The following SGCD variants were observed in gnomAD, a reference collection of about 807,000 sequenced individuals.
SGCD encodes delta-sarcoglycan.
Under a neutral mutation model 36.6 loss-of-function variants are expected in SGCD, and 18 were observed. The ratio of observed to expected loss-of-function variants is 0.49; its 90% CI spans 0.34 to 0.73. The LOEUF (loss-of-function observed/expected upper bound fraction) is 0.73, where lower values mean the gene tolerates loss of function less well. Among genes scored for constraint, SGCD ranks in the 30% least tolerant of loss-of-function variants. The pLI is 0.01. For missense variants in SGCD, 387 were observed against 346.7 expected, an observed-to-expected ratio of 1.12 and a Z score of -0.92; for synonymous variants, 133 against 130.6, an observed-to-expected ratio of 1.02 and a Z score of -0.12.
At chr5:156,223,277 C>G (rs1472168064) in intron 3 of SGCD, among the ~76,000 whole-genome samples, 3 of 151,976 alleles carry the variant, frequency 2.0e-5, no homozygotes, top group Non-Finnish European at 4.4e-5. Context: ...TAGACTGACT[C>G]TGAAGAAATA....
chr5:156,006,255 G>C (rs1476166611), intron 1 of SGCD, among the ~76,000 whole-genome samples: 1 of 152,092 alleles, frequency 6.6e-6, no homozygotes, highest in African/African-American at 2.4e-5. Context: ...TTCTAAATAA[G>C]GTCACTGACA....
chr5:156,428,744 T>C (rs1454467992), intron 3 of SGCD, among the ~76,000 whole-genome samples: 2 of 152,098 alleles, frequency 1.3e-5, no homozygotes, highest in Non-Finnish European at 2.9e-5. Flanking sequence ...GTCACTATTA[T>C]TCATTTCAAA....
the SGCD span, among the ~76,000 whole-genome samples, chr5:155,775,808 C>G: frequency 6.6e-6 from 1 of 152,208 alleles, no homozygotes; most frequent in South Asian, 2.1e-4. Flanking sequence ...AGTCTGTTCC[C>G]TCAGGGAGCT....
In SGCD at chr5:156,696,910, C is replaced by T. The variant is rs545080735; in HGVS notation, c.575+49374C>T. Among the ~76,000 whole-genome samples, 4 of 116,838 alleles carry T rather than the reference C, an allele frequency of 3.4e-5. No homozygotes were observed. In the Admixed American group the frequency reaches 4.1e-4, roughly 12 times the overall value. The allele number at this position is 116,838 out of a possible 152,430, so 76.7% of individuals were successfully genotyped here. A position where few individuals can be genotyped will look rare whatever the true frequency, so the allele number is the denominator to read the frequency against. On this transcript the variant is annotated intron_variant, in intron 7 of 8. Coordinates refer to ENST00000337851, the MANE Select transcript of SGCD (RefSeq NM_000337.6). ...CCCTCTTCTCTCCCCATCATCCTTA[C>T]ACACAACACACACACACACACACAC...
At chr5:155,834,602 G>A in the SGCD span, among the ~76,000 whole-genome samples, 1 of 152,132 alleles carries the variant, frequency 6.6e-6, no homozygotes, top group African/African-American at 2.4e-5. Context: ...CACAAGTGGT[G>A]CTTGCCACGT....
At chr5:156,680,327 T>C (rs764409890) in intron 7 of SGCD, among the ~76,000 whole-genome samples, 7 of 152,190 alleles carry the variant, frequency 4.6e-5, no homozygotes, top group Non-Finnish European at 1.0e-4. Flanking sequence ...CACCATTTAA[T>C]CTCTGCTTTG....
the SGCD span, among the ~76,000 whole-genome samples, chr5:155,739,271 C>T: frequency 1.3e-5 from 2 of 152,214 alleles, no homozygotes; most frequent in South Asian, 2.1e-4. Flanking sequence ...TGGATGTTGT[C>T]CAGCAAGTAT....
In SGCD at chr5:156,737,282, A is replaced by G. The variant is rs562362229; in HGVS notation, c.576-20299A>G. 6.8e-3 allele frequency among the ~76,000 whole-genome samples: 1,026 copies of G among 151,556 alleles called. 3 individuals are homozygous for G. Among genetic ancestry groups the G allele is most frequent in the Non-Finnish European group, 0.012 (782 of 67,984 alleles). On this transcript the variant is annotated intron_variant, in intron 7 of 8. Coordinates refer to ENST00000337851, the MANE Select transcript of SGCD (RefSeq NM_000337.6). ...CAGTTTTCAGGTAACATTTAAAAGC[A>G]TGGGTTCTAGTGATAGAGTTGCAGT...
intron 7 of SGCD, among the ~76,000 whole-genome samples, chr5:156,726,220 G>T (rs1755766440): frequency 6.6e-6 from 1 of 152,148 alleles, no homozygotes; most frequent in Non-Finnish European, 1.5e-5. Flanking sequence ...TAATTATGAG[G>T]AGGGTCAGCC....
intron 3 of SGCD, among the ~76,000 whole-genome samples, chr5:156,252,079 T>C (rs1017357348): frequency 1.3e-5 from 2 of 152,062 alleles, no homozygotes; most frequent in Non-Finnish European, 2.9e-5. Context: ...TTTTCTTTTT[T>C]TTTTGAGACG....
chr5:156,407,055 T>C (rs1010339390), intron 3 of SGCD, among the ~76,000 whole-genome samples: 1 of 151,846 alleles, frequency 6.6e-6, no homozygotes, highest in Non-Finnish European at 1.5e-5. Context: ...TTCACGTTTT[T>C]CTGCCTGCTT....
At chr5:156,436,249 C>A (rs1181946554) in intron 3 of SGCD, among the ~76,000 whole-genome samples, 5 of 152,292 alleles carry the variant, frequency 3.3e-5, no homozygotes, top group African/African-American at 1.2e-4. Context: ...TGGTCAATTT[C>A]TTAGGTTATC....
At chr5:156,353,731 A>G (rs1398889763) in intron 3 of SGCD, among the ~76,000 whole-genome samples, 1 of 152,238 alleles carries the variant, frequency 6.6e-6, no homozygotes, top group African/African-American at 2.4e-5. Flanking sequence ...AGCTCAATCC[A>G]TCCATCTGAA....
In SGCD at chr5:155,940,219, C is replaced by T. The variant is rs367699471; in HGVS notation, c.-282+69795C>T. Reference sequence around the variant, plus strand: ...ATTATCAGGGCTTTTCCTTTCTTTTCTCACTCCTCTTAATGTACAGATCCA... The same window carrying T: ...ATTATCAGGGCTTTTCCTTTCTTTTTTCACTCCTCTTAATGTACAGATCCA... On this transcript the variant is annotated intron_variant, in intron 1 of 9. Transcript: ENST00000517913. Among the ~76,000 whole-genome samples the T allele has an allele frequency of 2.6e-5, 4 of 152,194 alleles. No individual in the cohort carries two copies. The East Asian group carries it at 5.8e-4, about 22-fold the overall frequency.
At chr5:156,068,413 A>C (rs891463408) in intron 1 of SGCD, among the ~76,000 whole-genome samples, 1 of 151,892 alleles carries the variant, frequency 6.6e-6, no homozygotes, top group Non-Finnish European at 1.5e-5. Context: ...GAGAATGATG[A>C]TTTCCAATTT....
chr5:155,728,655 G>C, the SGCD span, among the ~76,000 whole-genome samples: 1 of 152,106 alleles, frequency 6.6e-6, no homozygotes, highest in Admixed American at 6.5e-5. Context: ...CCCCTATTCC[G>C]TTGGCAAGTC....
chr5:156,685,212 G>A (rs567243002), intron 7 of SGCD, among the ~76,000 whole-genome samples: 100 of 152,134 alleles, frequency 6.6e-4, no homozygotes, highest in African/African-American at 2.1e-3. Flanking sequence ...GAGATGCGTC[G>A]CAGGGTAAGA....
intron 2 of SGCD, among the ~76,000 whole-genome samples, chr5:156,336,510 A>G (rs1400321852): frequency 6.6e-6 from 1 of 152,256 alleles, no homozygotes; most frequent in African/African-American, 2.4e-5. Flanking sequence ...TCATAGATCC[A>G]TACCATTTAA....
intron 3 of SGCD, among the ~76,000 whole-genome samples, chr5:156,428,076 TTCTC>T (rs1773753837): frequency 6.6e-6 from 1 of 152,166 alleles, no homozygotes; most frequent in African/African-American, 2.4e-5. Flanking sequence ...GGTCCCCTCT[TTCTC>T]TATCTTGTGG....
Sources: allele counts gnomAD v4.1 joint callset (sites outside exome capture counted in the v4.1 genomes callset), GRCh38; gene constraint gnomAD v4.1.1; transcripts MANE v1.5; gene names NCBI Gene and HGNC (gene_info 2026-07-23, HGNC 2026-07-21).